ARHGEF37: variants seen among roughly 807,000 people sequenced by gnomAD.
ARHGEF37 encodes Rho guanine nucleotide exchange factor 37.
ARHGEF37 carries 55 observed loss-of-function variants against 71.1 expected under a neutral mutation model. That is an observed-to-expected ratio of 0.77 (90% confidence interval 0.62 to 0.97). The LOEUF (loss-of-function observed/expected upper bound fraction) is 0.97, where lower values mean the gene tolerates loss of function less well. Ranked by LOEUF, ARHGEF37 falls within the 50% of genes least tolerant of loss-of-function variation. The pLI is 0.00. For synonymous variants in ARHGEF37, 327 were observed against 350.6 expected (o/e 0.93, Z 0.75); for missense variants, 765 against 836.8 (o/e 0.91, Z 1.06).
At chr5:149,598,757 TAGATATAGATATAGATATAG>T (rs1763656332) in intron 2 of ARHGEF37, among the ~76,000 whole-genome samples, 1 of 74,770 alleles carries the variant, frequency 1.3e-5, no homozygotes, top group African/African-American at 5.1e-5. Flanking sequence ...TATCTATATA[TAGATATAGATATAGATATAG>T]ATATATAGAT....
chr5:149,608,217 G>A (rs1256656249), intron 3 of ARHGEF37, among the ~76,000 whole-genome samples: 6 of 152,136 alleles, frequency 3.9e-5, no homozygotes, highest in African/African-American at 7.2e-5. Flanking sequence ...GGATGTATAC[G>A]TGCAGGTCAC....
intron 12 of ARHGEF37, among the ~76,000 whole-genome samples, chr5:149,629,484 G>A (rs1752809513): frequency 6.6e-6 from 1 of 152,228 alleles, no homozygotes; most frequent in South Asian, 2.1e-4. Context: ...AACAGGAAGG[G>A]AGAGAGGGAA....
chr5:149,626,288 G>T (rs12522108), intron 10 of ARHGEF37, among the ~76,000 whole-genome samples: 1 of 102,098 alleles, frequency 9.8e-6, no homozygotes, highest in East Asian at 3.1e-4. Context: ...ACACACACAC[G>T]CCTCTCTCAA....
At position 149,569,886 on chromosome 5, in the gene ARHGEF37, G is replaced by A. The variant is rs1489969735; in HGVS notation, c.-12+17763G>A. ...TGTGCCCGCCTCGACCTCCCAAAGT[G>A]CTGGGATTTCAGGTGTGAGCCACTG... is the stretch of plus-strand genomic sequence containing the variant. On this transcript the variant is annotated intron_variant, in intron 1 of 2. Transcript: ENST00000505810. 2.0e-5 allele frequency among the ~76,000 whole-genome samples: 3 copies of A among 152,194 alleles called. No homozygotes were observed. In the East Asian group the frequency reaches 5.8e-4, roughly 29 times the overall value.
chr5:149,585,579 G>A (rs1561789108), intron 1 of ARHGEF37, among the ~76,000 whole-genome samples: 2 of 152,106 alleles, frequency 1.3e-5, no homozygotes, highest in Non-Finnish European at 2.9e-5. Flanking sequence ...GTGCAGTGGC[G>A]TGATCTTGGC....
At chr5:149,566,312 C>T (rs1164686691) in intron 1 of ARHGEF37, among the ~76,000 whole-genome samples, 1 of 151,962 alleles carries the variant, frequency 6.6e-6, no homozygotes, top group African/African-American at 2.4e-5. Context: ...GCCTGGCCAA[C>T]ATGATGAAAC....
intron 2 of ARHGEF37, 47 bp downstream of exon 2, chr5:149,598,002 TGG>T (rs1763599909): frequency 6.7e-7 from 1 of 1,500,194 alleles, no homozygotes; most frequent in African/African-American, 1.4e-5. Context: ...GGGGCAAATG[TGG>T]GTCCCAGCTT....
intron 2 of ARHGEF37, among the ~76,000 whole-genome samples, chr5:149,598,354 TTCCTCTTCCTC>T (rs1763631242): frequency 1.4e-5 from 1 of 69,486 alleles, no homozygotes; most frequent in African/African-American, 6.1e-5. Flanking sequence ...CCTCTTCTTC[TTCCTCTTCCTC>T]TTCTTCCTCT....
intron 9 of ARHGEF37, among the ~76,000 whole-genome samples, chr5:149,623,262 G>T (rs946279680): frequency 6.6e-6 from 1 of 152,206 alleles, no homozygotes; most frequent in Non-Finnish European, 1.5e-5. Flanking sequence ...GGATGGAACT[G>T]TGCTTAGTAC....
chr5:149,577,728 T>C (rs546868605), upstream of ARHGEF37, among the ~76,000 whole-genome samples: 1 of 152,364 alleles, frequency 6.6e-6, no homozygotes, highest in Admixed American at 6.5e-5. Flanking sequence ...AGAAGATGAC[T>C]TCCATGTGGA....
chr5:149,594,155 T>C (rs1218107141), intron 1 of ARHGEF37, among the ~76,000 whole-genome samples: 8 of 152,232 alleles, frequency 5.3e-5, no homozygotes, highest in Non-Finnish European at 2.9e-5. Flanking sequence ...CACATGCTGC[T>C]ACAGAGAGGT....
intron 1 of ARHGEF37, among the ~76,000 whole-genome samples, chr5:149,564,262 AC>A (rs1762872152): frequency 6.6e-6 from 1 of 152,102 alleles, no homozygotes; most frequent in Non-Finnish European, 1.5e-5. Flanking sequence ...TATTAGTCTT[AC>A]GTATGTTATC....
intron 1 of ARHGEF37, among the ~76,000 whole-genome samples, chr5:149,588,970 C>T (rs1378086513): frequency 1.3e-5 from 2 of 152,228 alleles, no homozygotes; most frequent in African/African-American, 2.4e-5. Context: ...TGGCTCATGC[C>T]TGTTATCCCA....
At chr5:149,620,168 C>T (rs1659342689) in intron 7 of ARHGEF37, among the ~76,000 whole-genome samples, 186 bp from the exon 8 acceptor site, 1 of 152,212 alleles carries the variant, frequency 6.6e-6, no homozygotes, top group East Asian at 1.9e-4. Flanking sequence ...AAGATGTTGA[C>T]TCAGTCTAAG....
At chr5:149,620,311 A>G in intron 7 of ARHGEF37, 43 bp from the exon 8 acceptor site, 1 of 1,399,602 alleles carries the variant, frequency 7.1e-7, no homozygotes, top group Non-Finnish European at 9.7e-7. Flanking sequence ...TAAGATGGCC[A>G]TGACAGGCAT....
At chr5:149,617,276 C>A (rs1752408568) in intron 5 of ARHGEF37, among the ~76,000 whole-genome samples, 2 of 152,126 alleles carry the variant, frequency 1.3e-5, no homozygotes, top group African/African-American at 4.8e-5. Context: ...AGCAATCCAC[C>A]CCTTGAGCTA....
chr5:149,609,473 T>TA, intron 3 of ARHGEF37, 75 bp from the exon 4 acceptor site: 16 of 1,544,796 alleles, frequency 1.0e-5, no homozygotes, highest in Non-Finnish European at 1.3e-5. Flanking sequence ...GGGGTTTACT[T>TA]ACTGCCTCCC....
At chr5:149,561,767 A>G (rs751160259) in intron 1 of ARHGEF37, among the ~76,000 whole-genome samples, 1 of 152,322 alleles carries the variant, frequency 6.6e-6, no homozygotes, top group Non-Finnish European at 1.5e-5. Context: ...AATCACAACA[A>G]CCATTAATTC....
intron 1 of ARHGEF37, among the ~76,000 whole-genome samples, chr5:149,572,401 G>A (rs1389212392): frequency 2.0e-5 from 3 of 152,134 alleles, no homozygotes; most frequent in African/African-American, 7.2e-5. Context: ...ATTACCCAAG[G>A]ACTTTGCATT....
Sources: gnomAD v4.1 joint callset for allele counts (sites outside exome capture counted in the v4.1 genomes callset) on GRCh38, gnomAD v4.1.1 for gene constraint, MANE v1.5 for transcripts, NCBI Gene and HGNC (gene_info 2026-07-23, HGNC 2026-07-21) for gene names.